RABGAP1L: variants seen among roughly 807,000 people sequenced by gnomAD.
RABGAP1L encodes RAB GTPase activating protein 1 like.
In RABGAP1L, 63 loss-of-function variants were observed where a neutral mutation model predicts 137.7. That is an observed-to-expected ratio of 0.46 (90% CI 0.37 to 0.56). RABGAP1L has a LOEUF of 0.56. Ranked by LOEUF, RABGAP1L falls within the 20% of genes least tolerant of loss-of-function variation. The pLI is 0.00. For missense variants in RABGAP1L, 1,095 were observed against 1,244.0 expected, an observed-to-expected ratio of 0.88 and a Z score of 1.80; for synonymous variants, 431 against 433.7, an observed-to-expected ratio of 0.99 and a Z score of 0.08.
intron 11 of RABGAP1L, among the ~76,000 whole-genome samples, chr1:174,319,579 A>G (rs1168624862): frequency 6.6e-6 from 1 of 152,168 alleles, no homozygotes; most frequent in Non-Finnish European, 1.5e-5. Flanking sequence ...TTTCTGTACA[A>G]TGCTCAATAG....
rs1685251591 is a variant in RABGAP1L at position 174,761,842 on chromosome 1, TTGGGTGGGGACAC to T, written c.2211+9489_2211+9501del. ...TGGGAGTTAGAATTCAAGATGAGGT[TTGGGTGGGGACAC>T]AGCCAAACCATATCAACAATAAACA... On this transcript the variant is annotated intron_variant, in intron 18 of 25. Coordinates refer to ENST00000681986, the MANE Select transcript of RABGAP1L (RefSeq NM_001366446.1). This position sits in a 1 kb window ranked among gnomAD's most constrained non-coding sequence, Gnocchi z 4.0. Among the ~76,000 whole-genome samples, 3 of 152,106 alleles carry T rather than the reference TTGGGTGGGGACAC, an allele frequency of 2.0e-5. No individual in the cohort carries two copies. The highest frequency in any genetic ancestry group is 7.2e-5 in the African/African-American group (3 of 41,414).
At chr1:174,212,112 C>G (rs895145526) in intron 1 of RABGAP1L, among the ~76,000 whole-genome samples, 1 of 152,016 alleles carries the variant, frequency 6.6e-6, no homozygotes, top group Non-Finnish European at 1.5e-5. Context: ...CTTAATGTGC[C>G]TTATAGACCA....
intron 17 of RABGAP1L, among the ~76,000 whole-genome samples, chr1:174,744,090 TAAAAAAAAAAAAAA>T (rs10694829): frequency 4.4e-5 from 2 of 45,128 alleles, no homozygotes; most frequent in African/African-American, 1.8e-4. Flanking sequence ...GTGAAATACG[TAAAAAAAAAAAAAA>T]AAAAAAAAAA....
chr1:174,201,173 CT>C (rs1355850172), intron 1 of RABGAP1L, among the ~76,000 whole-genome samples: 1 of 151,814 alleles, frequency 6.6e-6, no homozygotes, highest in Non-Finnish European at 1.5e-5. Flanking sequence ...TCAGGCTGGT[CT>C]TGAACTCTTG....
chr1:174,421,008 A>C (rs1651224605), intron 13 of RABGAP1L, among the ~76,000 whole-genome samples: 1 of 151,994 alleles, frequency 6.6e-6, no homozygotes. Flanking sequence ...AAGCTTATAT[A>C]ATTTGGAGGC....
At chr1:174,436,616 T>C (rs1342075157) in intron 13 of RABGAP1L, among the ~76,000 whole-genome samples, 4 of 152,228 alleles carry the variant, frequency 2.6e-5, no homozygotes, top group Non-Finnish European at 4.4e-5. Flanking sequence ...GCCTGTTCAC[T>C]CTGATGGTAG....
chr1:174,377,803 A>G (rs1430423613), intron 12 of RABGAP1L, among the ~76,000 whole-genome samples: 2 of 147,830 alleles, frequency 1.4e-5, no homozygotes, highest in African/African-American at 5.0e-5. Context: ...TTTTTATTAT[A>G]CTTTAAGTTT....
At chr1:174,865,383 T>C (rs1651027319) in intron 19 of RABGAP1L, among the ~76,000 whole-genome samples, 1 of 152,072 alleles carries the variant, frequency 6.6e-6, no homozygotes, top group Non-Finnish European at 1.5e-5. Flanking sequence ...GTTAAGCGAG[T>C]CTACATTAAA....
rs1427188487 is a variant in RABGAP1L, at chr1:174,321,678, C to T, written c.1465+16551C>T. 5.3e-5 allele frequency among the ~76,000 whole-genome samples: 8 copies of T among 152,282 alleles called. No individual in the cohort carries two copies. In the East Asian group the frequency reaches 9.7e-4, roughly 18 times the overall value. ...TTGGAAAAATACCTACGAATAGGTT[C>T]GCTGGGTTGAAATTACCAAGCTACT... On this transcript the variant is annotated intron_variant, in intron 11 of 25. Transcript: ENST00000681986.
chr1:174,618,963 A>G (rs1334210226), intron 13 of RABGAP1L, among the ~76,000 whole-genome samples: 1 of 152,270 alleles, frequency 6.6e-6, no homozygotes, highest in African/African-American at 2.4e-5. Flanking sequence ...ATGGAGCTGA[A>G]AACGAAGACA....
intron 19 of RABGAP1L, among the ~76,000 whole-genome samples, chr1:174,924,506 G>A (rs1662382061): frequency 6.6e-6 from 1 of 151,986 alleles, no homozygotes; most frequent in Non-Finnish European, 1.5e-5. Flanking sequence ...TGGCATTTAT[G>A]GAGAACTCTA....
At chr1:174,289,122 C>T (rs1012464882) in intron 10 of RABGAP1L, among the ~76,000 whole-genome samples, 8 of 152,182 alleles carry the variant, frequency 5.3e-5, no homozygotes, top group Non-Finnish European at 1.0e-4. Context: ...ACTGTAACTT[C>T]GAACTCCAGG....
At chr1:174,226,201 A>G (rs181713977) in intron 3 of RABGAP1L, among the ~76,000 whole-genome samples, 580 of 152,272 alleles carry the variant, frequency 3.8e-3, no homozygotes, top group Non-Finnish European at 6.1e-3. Context: ...GAAAAATGGA[A>G]AACTCACCAC....
chr1:174,514,281 A>G (rs1317486679), intron 13 of RABGAP1L, among the ~76,000 whole-genome samples: 1 of 138,240 alleles, frequency 7.2e-6, no homozygotes, highest in Non-Finnish European at 1.5e-5. Context: ...CTGGGGAGGG[A>G]TCTTCGTGTT....
rs1269528933 is a variant in RABGAP1L at position 174,818,351 on chromosome 1, G to C, written c.2340+6391G>C. Reference sequence around the variant, plus strand: ...GAAGGAAGGAGTTGAACAAGTGTCAGTGGTACCTAGAGGTCATGTATAAGG... The same window carrying C: ...GAAGGAAGGAGTTGAACAAGTGTCACTGGTACCTAGAGGTCATGTATAAGG... On this transcript the variant is annotated intron_variant, in intron 19 of 25. Transcript: ENST00000681986. Among the ~76,000 whole-genome samples, 4 of 152,208 alleles carry C rather than the reference G, an allele frequency of 2.6e-5. No homozygotes were observed. In the East Asian group the frequency reaches 5.8e-4, roughly 22 times the overall value.
At chr1:174,878,925 GTTTTTTT>G (rs869251284) in intron 19 of RABGAP1L, among the ~76,000 whole-genome samples, 52 of 85,144 alleles carry the variant, frequency 6.1e-4, no homozygotes, top group East Asian at 1.9e-3. Flanking sequence ...TTTGTGCATT[GTTTTTTT>G]TTTTTTTTTT....
chr1:174,388,151 G>A (rs1686954866), intron 12 of RABGAP1L, among the ~76,000 whole-genome samples: 1 of 151,962 alleles, frequency 6.6e-6, no homozygotes, highest in South Asian at 2.1e-4. Flanking sequence ...GTGCTTTGGG[G>A]AAATATTTTT....
intron 14 of RABGAP1L, among the ~76,000 whole-genome samples, chr1:174,637,927 A>G (rs1332936327): frequency 3.3e-5 from 5 of 152,216 alleles, no homozygotes; most frequent in African/African-American, 7.2e-5. Flanking sequence ...ACGTCACATC[A>G]TATATTTTTG....
intron 18 of RABGAP1L, among the ~76,000 whole-genome samples, chr1:174,790,729 C>A (rs1033663084): frequency 5.3e-5 from 8 of 151,718 alleles, no homozygotes; most frequent in African/African-American, 1.7e-4. Flanking sequence ...GGTGCAGAGG[C>A]CCTTCTGAAA....
Sources: allele counts gnomAD v4.1 joint callset (sites outside exome capture counted in the v4.1 genomes callset), GRCh38; gene constraint gnomAD v4.1.1; non-coding constraint Gnocchi (gnomAD v3.1); transcripts MANE v1.5; gene names NCBI Gene and HGNC (gene_info 2026-07-23, HGNC 2026-07-21).